KIF13A: variants seen among roughly 807,000 people sequenced by gnomAD.
KIF13A encodes kinesin family member 13A.
KIF13A carries 79 observed loss-of-function variants against 212.2 expected under a neutral mutation model. That is an observed-to-expected ratio of 0.37 (90% confidence interval 0.31 to 0.45). The LOEUF (loss-of-function observed/expected upper bound fraction) is 0.45, where lower values mean the gene tolerates loss of function less well. Ranked by LOEUF, KIF13A falls within the 20% of genes least tolerant of loss-of-function variation. The pLI, the probability that KIF13A is intolerant of heterozygous loss-of-function variation, is 1.00. For missense variants in KIF13A, 1,901 were observed against 2,209.0 expected (o/e 0.86, Z 2.79); for synonymous variants, 789 against 808.6 (o/e 0.98, Z 0.41).
At chr6:17,875,669 G>T (rs1770488254) in intron 3 of KIF13A, among the ~76,000 whole-genome samples, 1 of 151,902 alleles carries the variant, frequency 6.6e-6, no homozygotes, top group Non-Finnish European at 1.5e-5. Context: ...TGGCCAGGGT[G>T]GACTCAAACT....
chr6:17,845,564 T>C (rs1261662682), intron 9 of KIF13A, among the ~76,000 whole-genome samples: 1 of 152,222 alleles, frequency 6.6e-6, no homozygotes, highest in African/African-American at 2.4e-5. Context: ...TGACTAGCCA[T>C]TACTGAATAA....
intron 3 of KIF13A, among the ~76,000 whole-genome samples, chr6:17,896,976 G>A (rs891692215): frequency 3.3e-5 from 5 of 152,246 alleles, no homozygotes; most frequent in East Asian, 1.9e-4. Flanking sequence ...TTATATCTAC[G>A]TCGACAATTG....
intron 3 of KIF13A, among the ~76,000 whole-genome samples, chr6:17,884,915 T>A (rs1328882969): frequency 6.6e-6 from 1 of 152,214 alleles, no homozygotes; most frequent in Non-Finnish European, 1.5e-5. Context: ...GTTTTCAACT[T>A]TGTCAATTTG....
intron 4 of KIF13A, among the ~76,000 whole-genome samples, chr6:17,858,679 T>TGTG (rs1768398004): frequency 6.6e-6 from 1 of 152,188 alleles, no homozygotes; most frequent in Non-Finnish European, 1.5e-5. Context: ...TAGGATTGCT[T>TGTG]GTGGTCCTCA....
chr6:17,841,364 C>T (rs1766491291), intron 9 of KIF13A, among the ~76,000 whole-genome samples: 1 of 152,178 alleles, frequency 6.6e-6, no homozygotes, highest in Non-Finnish European at 1.5e-5. Context: ...CATGCCCAGT[C>T]GTATGCCCAA....
chr6:17,941,833 A>T (rs1313776175), intron 2 of KIF13A, among the ~76,000 whole-genome samples: 1 of 151,588 alleles, frequency 6.6e-6, no homozygotes, highest in Non-Finnish European at 1.5e-5. Context: ...TGTTCTAAAG[A>T]AAGTTCTGAA....
intron 16 of KIF13A, among the ~76,000 whole-genome samples, chr6:17,824,177 C>T (rs1187531895): frequency 1.3e-5 from 2 of 151,064 alleles, no homozygotes; most frequent in African/African-American, 4.9e-5. Flanking sequence ...CAAAGTGCTG[C>T]GATTTACAGG....
chr6:17,873,884 G>A (rs1222617964), intron 3 of KIF13A, among the ~76,000 whole-genome samples: 1 of 152,094 alleles, frequency 6.6e-6, no homozygotes, highest in Non-Finnish European at 1.5e-5. Flanking sequence ...GAGCCATCGC[G>A]CCTGGCCCTA....
rs1766713114 is a variant in KIF13A, at chr6:17,843,427, TG to T, written c.831-5845del. ...CCAAGGAGATGTAGGTAAACATTAC[TG>T]GGTGGGGCTTCCAAGAAAACTGTTG... On this transcript the variant is annotated intron_variant, in intron 9 of 38. Transcript: ENST00000259711. The surrounding 1 kb of genome is among the most constrained non-coding windows in gnomAD (Gnocchi z 5.3). Among the ~76,000 whole-genome samples the T allele has an allele frequency of 6.6e-6, 1 of 152,182 alleles. No individual in the cohort carries two copies. Among genetic ancestry groups the T allele is most frequent in the Non-Finnish European group, 1.5e-5 (1 of 68,028 alleles).
At chr6:17,965,314 C>A (rs1355233697) in intron 2 of KIF13A, among the ~76,000 whole-genome samples, 1 of 124,580 alleles carries the variant, frequency 8.0e-6, no homozygotes, top group African/African-American at 3.5e-5. Context: ...TGTTTCCATA[C>A]AACCATCTAG....
intron 9 of KIF13A, among the ~76,000 whole-genome samples, chr6:17,841,420 C>T (rs10949464): frequency 0.56 from 85,505 of 152,042 alleles, 24,251 homozygotes; most frequent in African/African-American, 0.6. Flanking sequence ...TGCTCCCATG[C>T]ATAAGCAAGA....
chr6:17,815,524 C>A, intron 17 of KIF13A: 1 of 327,960 alleles, frequency 3.0e-6, no homozygotes, highest in Non-Finnish European at 6.5e-6. Context: ...GACCAGGGAG[C>A]CCTCTAGTGG....
intron 16 of KIF13A, among the ~76,000 whole-genome samples, chr6:17,824,102 T>C (rs1301992258): frequency 6.6e-6 from 1 of 151,600 alleles, no homozygotes; most frequent in Non-Finnish European, 1.5e-5. Flanking sequence ...GATATGGGGT[T>C]TTGCCATGTT....
intron 3 of KIF13A, among the ~76,000 whole-genome samples, chr6:17,884,227 T>C (rs1315867181): frequency 6.6e-6 from 1 of 152,210 alleles, no homozygotes; most frequent in East Asian, 1.9e-4. Context: ...ACATTTTACA[T>C]TAATTTGGGA....
intron 11 of KIF13A, among the ~76,000 whole-genome samples, chr6:17,835,658 C>G (rs1393348768): frequency 6.6e-6 from 1 of 152,054 alleles, no homozygotes; most frequent in Non-Finnish European, 1.5e-5. Flanking sequence ...ACTTTAAGAG[C>G]CACAGCCTGG....
intron 7 of KIF13A, among the ~76,000 whole-genome samples, chr6:17,851,554 A>G (rs1767654356): frequency 6.6e-6 from 1 of 152,244 alleles, no homozygotes; most frequent in Admixed American, 6.5e-5. Flanking sequence ...TGATTCAGAA[A>G]AACAGGAGAG....
rs1759714307 is a variant in KIF13A at position 17,773,941 on chromosome 6, A to G, written c.4219-358T>C. ...ACTTGATAATTTAATGACCAAACTG[A>G]AACACTCTCAAAGGACAACTGTTCC... On this transcript the variant is annotated intron_variant, in intron 35 of 38. Coordinates refer to ENST00000259711, the MANE Select transcript of KIF13A (RefSeq NM_022113.6). This position sits in a 1 kb window ranked among gnomAD's most constrained non-coding sequence, Gnocchi z 4.2. 6.6e-6 allele frequency among the ~76,000 whole-genome samples: 1 copy of G among 152,222 alleles called. No individual in the cohort carries two copies. Among genetic ancestry groups the G allele is most frequent in the African/African-American group, 2.4e-5 (1 of 41,458 alleles).
intron 2 of KIF13A, among the ~76,000 whole-genome samples, chr6:17,978,229 A>G (rs530202545): frequency 5.3e-5 from 8 of 152,356 alleles, no homozygotes; most frequent in Non-Finnish European, 1.2e-4. Context: ...TTCACAAATA[A>G]AATTTTACAA....
intron 2 of KIF13A, among the ~76,000 whole-genome samples, chr6:17,932,589 A>G (rs1025537595): frequency 1.3e-5 from 2 of 152,184 alleles, no homozygotes; most frequent in Non-Finnish European, 2.9e-5. Context: ...TCTGGCACTG[A>G]GCAAACAGTT....
Sources: gnomAD v4.1 joint callset for allele counts (sites outside exome capture counted in the v4.1 genomes callset) on GRCh38, gnomAD v4.1.1 for gene constraint, Gnocchi (gnomAD v3.1) non-coding constraint, MANE v1.5 for transcripts, NCBI Gene and HGNC (gene_info 2026-07-23, HGNC 2026-07-21) for gene names.